Variants in PKD1L1 observed in about 807,000 individuals in gnomAD.
PKD1L1 encodes the protein polycystin-1-like protein 1.
PKD1L1 carries 236 observed loss-of-function variants against 323.4 expected under a neutral mutation model. The ratio of observed to expected loss-of-function variants is 0.73; its 90% CI spans 0.66 to 0.81. The LOEUF is 0.81. Ranked by LOEUF, PKD1L1 falls within the 40% of genes least tolerant of loss-of-function variation. The pLI is 0.00. For synonymous variants in PKD1L1, 1,344 were observed against 1,335.0 expected, an observed-to-expected ratio of 1.01 and a Z score of -0.15; for missense variants, 3,320 against 3,508.0, an observed-to-expected ratio of 0.95 and a Z score of 1.35.
chr7:47,958,755 T>C, the PKD1L1 span, among the ~76,000 whole-genome samples: 2 of 152,142 alleles, frequency 1.3e-5, no homozygotes, highest in African/African-American at 4.8e-5. Context: ...AGAAAACAAA[T>C]AACCCTGTTT....
At chr7:47,780,808 C>T (rs773791041) in intron 56 of PKD1L1, among the ~76,000 whole-genome samples, 16 of 152,248 alleles carry the variant, frequency 1.1e-4, no homozygotes, top group Non-Finnish European at 1.9e-4. Flanking sequence ...TTTGTTTAAC[C>T]ATTCACTCAG....
At chr7:47,939,279 C>T (rs1583690906) in intron 3 of PKD1L1, among the ~76,000 whole-genome samples, 1 of 152,126 alleles carries the variant, frequency 6.6e-6, no homozygotes, top group Admixed American at 6.5e-5. Flanking sequence ...GGATGTGCTA[C>T]GGAGGGGGTG....
rs1395196248 is a variant in PKD1L1, at chr7:47,791,461, CATTT to C, written c.8526+1162_8526+1165del. Among the ~76,000 whole-genome samples the C allele has an allele frequency of 7.1e-4, 36 of 50,460 alleles. No individual in the cohort carries two copies. The Admixed American group carries it at 8.2e-3, about 12-fold the overall frequency. 33.1% of individuals were successfully genotyped at this position (50,460 alleles called of 152,430 possible). A position where few individuals can be genotyped will look rare whatever the true frequency, so the allele number is the denominator to read the frequency against. ...GCTTCAAACTGTCATTTCAAAGAGA[CATTT>C]TTTTTTTTTTTTCATTAACTTAACC... On this transcript the variant is annotated intron_variant, in intron 56 of 56. Transcript: ENST00000289672.
chr7:47,941,431 G>A (rs988694150), intron 2 of PKD1L1, among the ~76,000 whole-genome samples: 4 of 152,186 alleles, frequency 2.6e-5, no homozygotes, highest in African/African-American at 9.6e-5. Context: ...CAGTCAGCTT[G>A]CCCCTAGCCT....
At chr7:47,905,129 A>T (rs1161923489) in intron 11 of PKD1L1, 28 bp downstream of exon 11, 1 of 1,604,852 alleles carries the variant, frequency 6.2e-7, no homozygotes, top group Non-Finnish European at 8.5e-7. Context: ...ACAAACAGCT[A>T]CTCAGCAGGA....
At chr7:47,845,311 A>G (rs1785643133) in intron 32 of PKD1L1, among the ~76,000 whole-genome samples, 1 of 152,220 alleles carries the variant, frequency 6.6e-6, no homozygotes, top group Non-Finnish European at 1.5e-5. Flanking sequence ...GCTCCCATGG[A>G]GGCTGTCCTG....
At chr7:47,832,666 C>T (rs1166340349) in intron 41 of PKD1L1, among the ~76,000 whole-genome samples, 1 of 151,652 alleles carries the variant, frequency 6.6e-6, no homozygotes, top group Non-Finnish European at 1.5e-5. Context: ...GGCCACCCTC[C>T]TAGGATTGCA....
chr7:47,957,854 T>TAA, the PKD1L1 span, among the ~76,000 whole-genome samples: 33 of 118,090 alleles, frequency 2.8e-4, no homozygotes, highest in South Asian at 1.7e-3. Flanking sequence ...ACAATACAAT[T>TAA]AAAAAAAAAT....
chr7:47,939,750 T>A (rs1787944351), intron 3 of PKD1L1, among the ~76,000 whole-genome samples: 1 of 152,122 alleles, frequency 6.6e-6, no homozygotes, highest in African/African-American at 2.4e-5. Context: ...GCTGGAGCCA[T>A]CTCGGGGCAG....
chr7:47,853,386 C>T (rs1414543527), intron 30 of PKD1L1, among the ~76,000 whole-genome samples, 159 bp from the exon 31 acceptor site: 1 of 152,162 alleles, frequency 6.6e-6, no homozygotes, highest in Non-Finnish European at 1.5e-5. Context: ...CTTAATTCCA[C>T]AACACCACCT....
At chr7:47,890,362 G>T (rs1207730003) in intron 16 of PKD1L1, among the ~76,000 whole-genome samples, 180 bp downstream of exon 16, 2 of 152,240 alleles carry the variant, frequency 1.3e-5, no homozygotes, top group African/African-American at 4.8e-5. Flanking sequence ...CAGCCCGAGA[G>T]CGGGGACTGC....
At chr7:47,948,830 A>G (rs1453297145), upstream of PKD1L1, among the ~76,000 whole-genome samples, 1 of 151,834 alleles carries the variant, frequency 6.6e-6, no homozygotes, top group Non-Finnish European at 1.5e-5. Flanking sequence ...GGTGGCACAC[A>G]TCTGTAATCC....
At chr7:47,801,988 G>A (rs1784672653) in intron 53 of PKD1L1, among the ~76,000 whole-genome samples, 1 of 151,948 alleles carries the variant, frequency 6.6e-6, no homozygotes. Context: ...TCAGGAGATC[G>A]AGACCATCCT....
At chr7:47,842,877 G>T in intron 34 of PKD1L1, 85 bp downstream of exon 34, 1 of 1,288,468 alleles carries the variant, frequency 7.8e-7, no homozygotes. Flanking sequence ...GGTGACAGAC[G>T]GGGCAGCCAA....
At chr7:47,941,917 A>T (rs1329588608) in intron 2 of PKD1L1, among the ~76,000 whole-genome samples, 7 of 152,266 alleles carry the variant, frequency 4.6e-5, no homozygotes, top group Non-Finnish European at 1.0e-4. Context: ...AAACTAAGTG[A>T]GTGAAACTAA....
At position 47,902,359 on chromosome 7, in the gene PKD1L1, T is replaced by C; in HGVS notation, c.2064+20A>G. On this transcript the variant is annotated intron_variant, in intron 13 of 56. Coordinates refer to ENST00000289672, the MANE Select transcript of PKD1L1 (RefSeq NM_138295.5). ...GGCTGAAAAGAGGCTGGTGGAGGAT[T>C]TCCCAGACTCCGAGCCTACCTGGAC... is the stretch of plus-strand genomic sequence containing the variant. 1.2e-6 allele frequency: 2 copies of C among 1,612,220 alleles called. No homozygotes were observed. Among genetic ancestry groups the C allele is most frequent in the South Asian group, 1.1e-5 (1 of 90,704 alleles).
At chr7:47,821,975 C>A (rs1785151479) in intron 45 of PKD1L1, among the ~76,000 whole-genome samples, 1 of 152,174 alleles carries the variant, frequency 6.6e-6, no homozygotes, top group African/African-American at 2.4e-5. Flanking sequence ...AGGCATGAGT[C>A]ACCATGCCCG....
rs56844122 is a variant in PKD1L1 at position 47,902,319 on chromosome 7, C to T, written c.2064+60G>A. 12,964 of 1,590,778 alleles carry T rather than the reference C, an allele frequency of 8.1e-3. 943 individuals are homozygous for T. In the African/African-American group the frequency reaches 0.15, roughly 19 times the overall value. On this transcript the variant is annotated intron_variant, in intron 13 of 56. Coordinates refer to ENST00000289672, the MANE Select transcript of PKD1L1 (RefSeq NM_138295.5). The stretch of plus-strand genomic sequence containing the variant: ...AACTCTCACCACTCCAAACAGTGGT[C>T]CCAACTCAGAGGGAGGCTGAAAAGA...
chr7:47,845,889 AT>A (rs1306067488), intron 32 of PKD1L1, among the ~76,000 whole-genome samples: 10 of 151,624 alleles, frequency 6.6e-5, no homozygotes, highest in Non-Finnish European at 8.8e-5. Context: ...CCTGTTATTC[AT>A]TTTTGTACCC....
Sources: allele counts gnomAD v4.1 joint callset (sites outside exome capture counted in the v4.1 genomes callset), GRCh38; gene constraint gnomAD v4.1.1; transcripts MANE v1.5; gene names NCBI Gene and HGNC (gene_info 2026-07-23, HGNC 2026-07-21).